The following CYP39A1 variants were observed in gnomAD, a reference collection of about 807,000 sequenced individuals.
CYP39A1 encodes cytochrome P450 family 39 subfamily A member 1, also known as 24-hydroxycholesterol 7-alpha-hydroxylase.
A neutral mutation model predicts 58.1 loss-of-function variants in CYP39A1; 49 were observed. That is an observed-to-expected ratio of 0.84 (90% CI 0.67 to 1.07). CYP39A1 has a LOEUF of 1.07. CYP39A1 is among the 50% of genes least tolerant of loss of function. CYP39A1 has a pLI of 0.00. For synonymous variants in CYP39A1, 209 were observed against 187.6 expected, an observed-to-expected ratio of 1.11 and a Z score of -0.93; for missense variants, 531 against 539.4, an observed-to-expected ratio of 0.98 and a Z score of 0.16.
At chr6:46,602,926 G>GGC (rs1554161694) in intron 7 of CYP39A1, among the ~76,000 whole-genome samples, 1 of 137,440 alleles carries the variant, frequency 7.3e-6, no homozygotes, top group Non-Finnish European at 1.5e-5. Context: ...TATAAAATGG[G>GGC]GGGGGGGAGC....
intron 7 of CYP39A1, among the ~76,000 whole-genome samples, chr6:46,617,130 G>A (rs147257185): frequency 6.6e-6 from 1 of 152,126 alleles, no homozygotes. Context: ...AATTTCTTTG[G>A]GTAATTCTAT....
intron 8 of CYP39A1, among the ~76,000 whole-genome samples, chr6:46,591,904 C>T (rs571776304): frequency 4.6e-5 from 7 of 152,118 alleles, no homozygotes; most frequent in South Asian, 2.1e-4. Flanking sequence ...GGTCTGACAC[C>T]GGGATCATAA....
chr6:46,606,327 TA>T (rs1351224277), intron 7 of CYP39A1, among the ~76,000 whole-genome samples: 1 of 152,188 alleles, frequency 6.6e-6, no homozygotes, highest in Non-Finnish European at 1.5e-5. Flanking sequence ...AAAAATAATG[TA>T]GCATTCTTGG....
chr6:46,600,576 C>G (rs1773430219), intron 7 of CYP39A1, among the ~76,000 whole-genome samples: 1 of 152,084 alleles, frequency 6.6e-6, no homozygotes, highest in African/African-American at 2.4e-5. Context: ...GGGGATTCAG[C>G]TAGTCACCAA....
chr6:46,583,230 C>G, intron 10 of CYP39A1: 1 of 985,370 alleles, frequency 1.0e-6, no homozygotes, highest in Non-Finnish European at 1.2e-6. Flanking sequence ...ATTAATCTTG[C>G]CAAAGATCAG....
chr6:46,556,952 C>A (rs370638544), intron 10 of CYP39A1, among the ~76,000 whole-genome samples: 147 of 151,924 alleles, frequency 9.7e-4, no homozygotes, highest in African/African-American at 3.5e-3. Flanking sequence ...TTATTATACT[C>A]CACAGGTTCA....
chr6:46,608,560 G>A (rs758098676), intron 7 of CYP39A1, among the ~76,000 whole-genome samples: 24 of 151,846 alleles, frequency 1.6e-4, no homozygotes, highest in Non-Finnish European at 1.5e-4. Flanking sequence ...TCACTCTTAC[G>A]GAGGTGATAA....
At chr6:46,625,186 C>T (rs1443610110) in intron 7 of CYP39A1, among the ~76,000 whole-genome samples, 1 of 152,192 alleles carries the variant, frequency 6.6e-6, no homozygotes, top group East Asian at 1.9e-4. Context: ...ATCACAATCT[C>T]TATAGCACTG....
chr6:46,641,266 C>A (rs1201192035), intron 2 of CYP39A1, among the ~76,000 whole-genome samples: 1 of 151,970 alleles, frequency 6.6e-6, no homozygotes, highest in African/African-American at 2.4e-5. Context: ...ATTATTTGAT[C>A]TAAAATTCCA....
chr6:46,644,577 T>C (rs993243933), intron 1 of CYP39A1, among the ~76,000 whole-genome samples: 2 of 152,198 alleles, frequency 1.3e-5, no homozygotes, highest in African/African-American at 2.4e-5. Context: ...CTTTTCAGTT[T>C]AGGGCTATCG....
chr6:46,610,504 A>T (rs761005499), intron 7 of CYP39A1, among the ~76,000 whole-genome samples: 3 of 151,804 alleles, frequency 2.0e-5, no homozygotes, highest in Non-Finnish European at 4.4e-5. Context: ...ACCACATCCG[A>T]CTAAATTTTA....
intron 10 of CYP39A1, among the ~76,000 whole-genome samples, chr6:46,570,812 C>A (rs959346268): frequency 1.3e-5 from 2 of 152,154 alleles, no homozygotes; most frequent in African/African-American, 2.4e-5. Context: ...CCAAGCCATT[C>A]ATGGGGGATT....
chr6:46,608,758 G>T (rs1173768095), intron 7 of CYP39A1, among the ~76,000 whole-genome samples: 1 of 151,964 alleles, frequency 6.6e-6, no homozygotes, highest in Non-Finnish European at 1.5e-5. Context: ...GGGACTACAG[G>T]CACTTGCCAC....
chr6:46,648,338 A>AAGGATGAG (rs1387040140), intron 1 of CYP39A1, among the ~76,000 whole-genome samples: 3 of 152,212 alleles, frequency 2.0e-5, no homozygotes, highest in Admixed American at 6.5e-5. Flanking sequence ...AGCCATAAAA[A>AAGGATGAG]AGGATGAGTT....
chr6:46,603,307 A>G (rs1773629295), intron 7 of CYP39A1, among the ~76,000 whole-genome samples: 1 of 152,230 alleles, frequency 6.6e-6, no homozygotes. Context: ...ATAGCTACAG[A>G]TAGAAGGCCA....
intron 7 of CYP39A1, among the ~76,000 whole-genome samples, chr6:46,610,769 T>G (rs778106375): frequency 2.6e-5 from 4 of 152,204 alleles, no homozygotes; most frequent in Admixed American, 2.0e-4. Context: ...AAAAGTGTAT[T>G]TTCATATTAA....
intron 10 of CYP39A1, among the ~76,000 whole-genome samples, chr6:46,572,937 G>C (rs540808063): frequency 6.6e-6 from 1 of 151,828 alleles, no homozygotes; most frequent in South Asian, 2.1e-4. Context: ...TGAGTCTGCT[G>C]TTGAAGTTCC....
intron 10 of CYP39A1, chr6:46,583,266 A>G: frequency 8.1e-6 from 8 of 985,362 alleles, no homozygotes; most frequent in Non-Finnish European, 9.6e-6. Flanking sequence ...CTGGAGTTTA[A>G]GCCATATCAA....
At chr6:46,609,414 C>CAAAAAAAAA (rs940212245) in intron 7 of CYP39A1, among the ~76,000 whole-genome samples, 2 of 62,562 alleles carry the variant, frequency 3.2e-5, no homozygotes, top group Non-Finnish European at 3.2e-5. Flanking sequence ...GACTCCGTCT[C>CAAAAAAAAA]AAAAAAAAAA....
Sources: allele counts gnomAD v4.1 joint callset (sites outside exome capture counted in the v4.1 genomes callset), GRCh38; gene constraint gnomAD v4.1.1; transcripts MANE v1.5; gene names NCBI Gene and HGNC (gene_info 2026-07-23, HGNC 2026-07-21).